The following CMSS1 variants were observed in gnomAD, a reference collection of about 807,000 sequenced individuals.
CMSS1 encodes protein CMSS1.
A neutral mutation model predicts 43.5 loss-of-function variants in CMSS1; 33 were observed. That is an observed-to-expected ratio of 0.76 (90% CI 0.57 to 1.01). The LOEUF (loss-of-function observed/expected upper bound fraction) is 1.01, where lower values mean the gene tolerates loss of function less well. Among genes scored for constraint, CMSS1 ranks in the 50% least tolerant of loss-of-function variants. The pLI is 0.00. For synonymous variants in CMSS1, 115 were observed against 117.2 expected (o/e 0.98, Z 0.12); for missense variants, 313 against 326.4 (o/e 0.96, Z 0.32).
chr3:100,107,890 A>G (rs2066421512), intron 1 of CMSS1, among the ~76,000 whole-genome samples: 1 of 151,940 alleles, frequency 6.6e-6, no homozygotes, highest in Non-Finnish European at 1.5e-5. Context: ...AAAAAAAAAA[A>G]AAAAAGTTAC....
intron 9 of CMSS1, 93 bp downstream of exon 9, chr3:100,176,508 C>A: frequency 1.3e-6 from 1 of 762,970 alleles, no homozygotes; most frequent in South Asian, 1.6e-5. Flanking sequence ...GAGGAGCCAG[C>A]ACATGTTAGA....
chr3:100,041,074 T>A (rs2065197183), intron 1 of CMSS1: 1 of 152,234 alleles, frequency 6.6e-6, no homozygotes, highest in Non-Finnish European at 1.5e-5. Context: ...TACATTTTCC[T>A]TAGACAGTTG....
intron 1 of CMSS1, among the ~76,000 whole-genome samples, chr3:99,880,468 T>C (rs1705686845): frequency 6.6e-6 from 1 of 152,142 alleles, no homozygotes; most frequent in African/African-American, 2.4e-5. Context: ...CAGGCCTATA[T>C]ATGGTCCGCA....
intron 1 of CMSS1, among the ~76,000 whole-genome samples, chr3:100,003,590 GAC>G (rs1709905053): frequency 6.6e-6 from 1 of 152,280 alleles, no homozygotes; most frequent in African/African-American, 2.4e-5. Context: ...TCAGTCCCTT[GAC>G]ACTAAGTACA....
intron 1 of CMSS1, among the ~76,000 whole-genome samples, chr3:99,973,070 C>T (rs79783910): frequency 0.012 from 1,771 of 152,182 alleles, 19 homozygotes; most frequent in African/African-American, 0.026. Context: ...ACTATAGGAA[C>T]AATGGATGGA....
intron 1 of CMSS1, among the ~76,000 whole-genome samples, chr3:99,983,464 GTATATA>G (rs1191587665): frequency 0.031 from 389 of 12,560 alleles, 12 homozygotes; most frequent in African/African-American, 0.042. Flanking sequence ...ATATATGTGT[GTATATA>G]TATATATATA....
At chr3:100,159,904 G>A (rs902971032) in intron 2 of CMSS1, 4 of 456,490 alleles carry the variant, frequency 8.8e-6, no homozygotes, top group South Asian at 4.6e-5. Context: ...TGATGCAGCT[G>A]GTTTATAAAA....
chr3:99,825,291 A>G (rs994133752), intron 1 of CMSS1, among the ~76,000 whole-genome samples: 2 of 152,214 alleles, frequency 1.3e-5, no homozygotes, highest in African/African-American at 4.8e-5. Flanking sequence ...ATCAGCTTAC[A>G]TTACAGGATT....
intron 1 of CMSS1, among the ~76,000 whole-genome samples, chr3:99,957,192 G>A (rs2107696621): frequency 6.6e-6 from 1 of 152,324 alleles, no homozygotes; most frequent in East Asian, 1.9e-4. Flanking sequence ...TCATCAGGGT[G>A]ATCTGATTTG....
At chr3:99,852,653 C>T (rs1943758827) in intron 1 of CMSS1, among the ~76,000 whole-genome samples, 1 of 152,006 alleles carries the variant, frequency 6.6e-6, no homozygotes, top group South Asian at 2.1e-4. Context: ...ACCATGTTGG[C>T]CAGGATGGTC....
At chr3:100,160,542 G>A in intron 3 of CMSS1, 41 bp downstream of exon 3, 2 of 960,818 alleles carry the variant, frequency 2.1e-6, no homozygotes, top group South Asian at 2.8e-5. Flanking sequence ...GCCCCACATG[G>A]TTTCCATCAC....
chr3:100,115,077 A>G, intron 1 of CMSS1: 1 of 977,708 alleles, frequency 1.0e-6, no homozygotes, highest in Non-Finnish European at 1.6e-6. Context: ...AGGATTGCTA[A>G]AATTTGAAGC....
At chr3:100,105,911 C>A (rs941211305) in intron 1 of CMSS1, among the ~76,000 whole-genome samples, 3 of 152,116 alleles carry the variant, frequency 2.0e-5, no homozygotes, top group African/African-American at 7.2e-5. Flanking sequence ...AATGAGCTTT[C>A]TTTTCTCACT....
rs138584187 is a variant in CMSS1 at position 100,002,136 on chromosome 3, T to C, written c.65-144837T>C. Among the ~76,000 whole-genome samples the C allele has an allele frequency of 8.5e-5, 13 of 152,340 alleles. No individual in the cohort carries two copies. In the East Asian group the frequency reaches 2.3e-3, roughly 27 times the overall value. ...GCTCACTGGGACTGACCACCTCCTG[T>C]ACAGACCTGTGTCTCTAATGAATTC... On this transcript the variant is annotated intron_variant, in intron 1 of 9. Transcript: ENST00000421999.
intron 1 of CMSS1, chr3:99,848,736 G>A (rs757556494): frequency 9.9e-6 from 16 of 1,614,046 alleles, no homozygotes; most frequent in Non-Finnish European, 1.3e-5. Flanking sequence ...CTCTGGCAAA[G>A]GTTGCCATGG....
intron 1 of CMSS1, among the ~76,000 whole-genome samples, chr3:99,971,944 G>A (rs1708835208): frequency 1.3e-5 from 2 of 152,180 alleles, no homozygotes; most frequent in Non-Finnish European, 1.5e-5. Flanking sequence ...CTAGATATAT[G>A]TAGTCTTGTT....
At position 100,167,781 on chromosome 3, in the gene CMSS1, GA is replaced by G; in HGVS notation, c.462del (p.Lys154AsnfsTer4). The G allele has an allele frequency of 1.2e-6, 2 of 1,613,528 alleles. No individual in the cohort carries two copies. Among genetic ancestry groups the G allele is most frequent in the East Asian group, 4.5e-5 (2 of 44,860 alleles). On this transcript the variant is annotated frameshift_variant, in exon 6 of 10. Coordinates refer to ENST00000421999, the MANE Select transcript of CMSS1 (RefSeq NM_032359.4). LOFTEE classifies it high-confidence loss of function. ...AACTTAGGAAGAACCACAGTGAGAAGAAATCGGTCCTGATGCTGATCATCTG... is the reference window on the plus strand; with the variant it reads ...AACTTAGGAAGAACCACAGTGAGAAGAATCGGTCCTGATGCTGATCATCTG... The part of the protein sequence containing the change: ...VKLRKNHSEK[K>X]SVLMLIICSS...
intron 1 of CMSS1, among the ~76,000 whole-genome samples, chr3:99,868,792 T>A (rs942128942): frequency 1.3e-5 from 2 of 152,232 alleles, no homozygotes; most frequent in African/African-American, 2.4e-5. Context: ...GTTCCCATCT[T>A]TTCCATGAAT....
chr3:100,097,507 G>A (rs925704398), intron 1 of CMSS1, among the ~76,000 whole-genome samples: 4 of 152,098 alleles, frequency 2.6e-5, no homozygotes, highest in Non-Finnish European at 5.9e-5. Flanking sequence ...CACGAACACA[G>A]TATATCTCTC....
Sources: gnomAD v4.1 joint callset for allele counts (sites outside exome capture counted in the v4.1 genomes callset) on GRCh38, gnomAD v4.1.1 for gene constraint, MANE v1.5 for transcripts, NCBI Gene and HGNC (gene_info 2026-07-23, HGNC 2026-07-21) for gene names.